SLC34A2: variants seen among roughly 807,000 people sequenced by gnomAD.
The protein encoded by SLC34A2 is solute carrier family 34 member 2.
A neutral mutation model predicts 50.8 loss-of-function variants in SLC34A2; 41 were observed. That is an observed-to-expected ratio of 0.81 (90% CI 0.63 to 1.05). The LOEUF (loss-of-function observed/expected upper bound fraction) is 1.05. Ranked by LOEUF, SLC34A2 falls within the 50% of genes least tolerant of loss-of-function variation. The pLI is 0.00. For missense variants in SLC34A2, 879 were observed against 876.7 expected (o/e 1.00, Z -0.03); for synonymous variants, 401 against 364.2 (o/e 1.10, Z -1.15).
chr4:25,665,121 A>G (rs1012178407), intron 4 of SLC34A2: 6 of 206,678 alleles, frequency 2.9e-5, no homozygotes, highest in Non-Finnish European at 5.8e-5. Flanking sequence ...GGAGGTGGGC[A>G]TTCATGGGAG....
rs61740664 is a variant in SLC34A2 at position 25,662,542 on chromosome 4, C to G, written c.42C>G (p.Pro14=). 6.2e-7 allele frequency: 1 copy of G among 1,614,052 alleles called. No homozygotes were observed. Residue 14 remains proline, a synonymous_variant, in exon 2 of 13, where the codon CCC becomes CCG. Transcript: ENST00000382051. The stretch of plus-strand genomic sequence containing the variant: ...AATTGGGAGATGCCCAGCCCAACCC[C>G]GATAAGTACCTCGAAGGGGCCGCAG... ...WPELGDAQPN[P]DKYLEGAAGQ...
In SLC34A2 at chr4:25,677,923, T is replaced by G. The variant is rs1315968627; in HGVS notation, c.*1174T>G. Reference sequence around the variant, plus strand: ...AAAGCTCCAGATTTTTGGGGAAAGCTGTACCCAACTGGACTGCCCAGTGAA... The same window carrying G: ...AAAGCTCCAGATTTTTGGGGAAAGCGGTACCCAACTGGACTGCCCAGTGAA... On this transcript the variant is annotated 3_prime_UTR_variant, in exon 13 of 13. Coordinates refer to ENST00000382051, the MANE Select transcript of SLC34A2 (RefSeq NM_006424.3). 1 of 152,260 alleles carries G rather than the reference T, an allele frequency of 6.6e-6. No homozygotes were observed. The highest frequency in any genetic ancestry group is 2.4e-5 in the African/African-American group (1 of 41,460). The allele number at this position is 152,260 out of a possible 1,614,324, so 9.4% of individuals were successfully genotyped here.
intron 1 of SLC34A2, among the ~76,000 whole-genome samples, chr4:25,657,356 A>G (rs1386055175): frequency 6.6e-6 from 1 of 152,082 alleles, no homozygotes; most frequent in African/African-American, 2.4e-5. Context: ...CCACACCCCC[A>G]CTTCCATTCT....
intron 8 of SLC34A2, 53 bp downstream of exon 8, chr4:25,670,886 A>G: frequency 7.3e-7 from 1 of 1,372,310 alleles, no homozygotes. Flanking sequence ...GCATCTGAAC[A>G]TGAAACTAAA....
chr4:25,674,545 G>A lies in SLC34A2; in HGVS notation c.1374G>A (p.Thr458=), dbSNP rs202236441. ...CCATTGAGAGGGCTTATCCACTCAC[G>A]CTGGGCTCCAACATCGGCACCACCA... is the stretch of plus-strand genomic sequence containing the variant. ...VITIERAYPL[T]LGSNIGTTTT... The change falls in exon 12 of 13, where the codon ACG becomes ACA. Residue 458 remains threonine (T), a synonymous_variant. Transcript: ENST00000382051. 1.2e-4 allele frequency: 196 copies of A among 1,614,166 alleles called. No individual in the cohort carries two copies. In the Admixed American group the frequency reaches 2.8e-3, roughly 23 times the overall value.
rs199782502 is a variant in SLC34A2 at position 25,662,706 on chromosome 4, A to G, written c.114A>G (p.Thr38=). 36 of 1,614,148 alleles carry G rather than the reference A, an allele frequency of 2.2e-5. No individual in the cohort carries two copies. The highest frequency in any genetic ancestry group is 3.3e-4 in the Middle Eastern group (2 of 6,062). ...CATTACCCCTTTTGCTTGTTTCAGC[A>G]GATAACACTGAGGCACCTGTAACCA... The part of the protein sequence containing the change: ...APDKSKETNK[T]DNTEAPVTKI... Residue 38 remains threonine, a splice_region_variant and synonymous_variant, in exon 3 of 13, where the codon ACA becomes ACG. Transcript: ENST00000382051.
intron 4 of SLC34A2, among the ~76,000 whole-genome samples, chr4:25,664,678 G>T (rs1253934300): frequency 6.6e-6 from 1 of 152,224 alleles, no homozygotes; most frequent in African/African-American, 2.4e-5. Context: ...GAGAATTCTG[G>T]AATGAGAAAG....
At chr4:25,675,083 G>A (rs1715041523) in intron 12 of SLC34A2, among the ~76,000 whole-genome samples, 3 of 151,750 alleles carry the variant, frequency 2.0e-5, no homozygotes, top group Non-Finnish European at 4.4e-5. Flanking sequence ...CCAGGCTGGA[G>A]TGCAGTGATA....
Position 25,670,790 on chromosome 4 carries a change from A to G in SLC34A2, c.884A>G (p.Asn295Ser). Residue 295 changes from asparagine (N) to serine (S), a missense_variant, in exon 8 of 13, where the codon AAC becomes AGC. By Grantham distance (46) the Asn-to-Ser change is conservative. Coordinates refer to ENST00000382051, the MANE Select transcript of SLC34A2 (RefSeq NM_006424.3). ...GCAATGAACGATGAAAAAGCGAAAA[A>G]CAAGAGTCTTGTCAAGATTTGGTGC... ...QIAMNDEKAKNKSLVKIWCKT... is the reference protein window; with the variant it reads ...QIAMNDEKAKSKSLVKIWCKT... 8.1e-6 allele frequency: 13 copies of G among 1,614,130 alleles called. No individual in the cohort carries two copies. Among genetic ancestry groups the G allele is most frequent in the Non-Finnish European group, 8.5e-6 (10 of 1,179,968 alleles).
chr4:25,657,709 G>A (rs559855015), intron 1 of SLC34A2, among the ~76,000 whole-genome samples: 12 of 152,306 alleles, frequency 7.9e-5, no homozygotes, highest in African/African-American at 2.9e-4. Context: ...CAGGCCAATT[G>A]CTTCCTTGAC....
chr4:25,668,650 A>AT (rs1317029725), intron 6 of SLC34A2, among the ~76,000 whole-genome samples: 73 of 151,710 alleles, frequency 4.8e-4, no homozygotes, highest in Middle Eastern at 3.4e-3. Flanking sequence ...TAAAAAAAAA[A>AT]AAAAAAATAA....
intron 8 of SLC34A2, 35 bp downstream of exon 8, chr4:25,670,868 G>T: frequency 6.6e-7 from 1 of 1,516,502 alleles, no homozygotes. Flanking sequence ...GGCGGGGAGT[G>T]AACCTTTGCA....
chr4:25,656,935 G>A (rs1445889965), intron 1 of SLC34A2, among the ~76,000 whole-genome samples: 1 of 152,084 alleles, frequency 6.6e-6, no homozygotes, highest in African/African-American at 2.4e-5. Context: ...ACTTGTCCTG[G>A]GTTGGGTATT....
intron 6 of SLC34A2, among the ~76,000 whole-genome samples, chr4:25,668,300 C>A (rs753581395): frequency 2.0e-5 from 3 of 152,194 alleles, no homozygotes; most frequent in Non-Finnish European, 4.4e-5. Flanking sequence ...TAAATGCAAA[C>A]TCTAGCTAGA....
chr4:25,673,272 A>G lies in SLC34A2; in HGVS notation c.1216+18A>G. ...CAACACTGGTAGGTACACTGCCCTC[A>G]CTTGTAGGCCTCACATGTAGTCACT... On this transcript the variant is annotated intron_variant, in intron 10 of 12. Transcript: ENST00000382051. The G allele has an allele frequency of 2.2e-6, 3 of 1,336,830 alleles. No individual in the cohort carries two copies. The highest frequency in any genetic ancestry group is 3.0e-6 in the Non-Finnish European group (3 of 1,003,924). The allele number at this position is 1,336,830 out of a possible 1,614,324, so 82.8% of individuals were successfully genotyped here. A position where few individuals can be genotyped will look rare whatever the true frequency, so the allele number is the denominator to read the frequency against.
chr4:25,673,551 C>G (rs981143235), intron 10 of SLC34A2, among the ~76,000 whole-genome samples: 4 of 152,132 alleles, frequency 2.6e-5, no homozygotes, highest in Non-Finnish European at 4.4e-5. Context: ...CAGAGCTTTA[C>G]TGGCTCTGTC....
chr4:25,666,246 C>T lies in SLC34A2; in HGVS notation c.498C>T (p.Ile166=), dbSNP rs545863684. The T allele has an allele frequency of 1.5e-5, 24 of 1,613,862 alleles. No individual in the cohort carries two copies. In the Middle Eastern group the frequency reaches 4.9e-4, roughly 33 times the overall value. Reference sequence around the variant, plus strand: ...AGAGCTCCAGCACCTCAACGTCCATCGTTGTCAGCATGGTGTCCTCTTCAT... The same window carrying T: ...AGAGCTCCAGCACCTCAACGTCCATTGTTGTCAGCATGGTGTCCTCTTCAT... ...LVQSSSTSTS[I]VVSMVSSSLL... is the part of the protein sequence containing the mutation. The change falls in exon 5 of 13, where the codon ATC becomes ATT. Residue 166 remains isoleucine, a synonymous_variant. Coordinates refer to ENST00000382051, the MANE Select transcript of SLC34A2 (RefSeq NM_006424.3).
Position 25,664,235 on chromosome 4 carries a change from T to C in SLC34A2, c.284T>C (p.Phe95Ser). ...ACCAAAGGGAAGATTCTCTGTTTCT[T>C]CCAAGGGATTGGGAGATTGATTTTA... ...RDTKGKILCFFQGIGRLILLL... is the reference protein window; with the variant it reads ...RDTKGKILCFSQGIGRLILLL... Residue 95 changes from phenylalanine to serine, a missense_variant, in exon 4 of 13, where the codon TTC becomes TCC. Physicochemically the swap from Phe to Ser is radical, Grantham distance 155. Transcript: ENST00000382051. 2 of 1,613,152 alleles carry C rather than the reference T, an allele frequency of 1.2e-6. No individual in the cohort carries two copies. The highest frequency in any genetic ancestry group is 1.7e-6 in the Non-Finnish European group (2 of 1,179,266).
At chr4:25,659,496 A>G (rs1176091899) in intron 1 of SLC34A2, among the ~76,000 whole-genome samples, 4 of 151,994 alleles carry the variant, frequency 2.6e-5, no homozygotes, top group Admixed American at 1.3e-4. Flanking sequence ...TTTCCACGTA[A>G]TAAACACTCT....
Sources: gnomAD v4.1 joint callset for allele counts (sites outside exome capture counted in the v4.1 genomes callset) on GRCh38, gnomAD v4.1.1 for gene constraint, MANE v1.5 for transcripts, NCBI Gene and HGNC (gene_info 2026-07-23, HGNC 2026-07-21) for gene names.